The following BCL11B variants were observed in gnomAD, a reference collection of about 807,000 sequenced individuals.
BCL11B encodes BCL11 transcription factor B.
A neutral mutation model predicts 49.9 loss-of-function variants in BCL11B; 8 were observed. That is an observed-to-expected ratio of 0.16 (90% CI 0.09 to 0.29). The LOEUF is 0.29. Ranked by LOEUF, BCL11B falls within the 10% of genes least tolerant of loss-of-function variation. The pLI, the probability that BCL11B is intolerant of heterozygous loss-of-function variation, is 1.00. For synonymous variants in BCL11B, 739 were observed against 637.4 expected, an observed-to-expected ratio of 1.16 and a Z score of -2.40; for missense variants, 1,006 against 1,351.0, an observed-to-expected ratio of 0.74 and a Z score of 4.00.
chr14:99,252,935 G>C (rs774376229), intron 2 of BCL11B, among the ~76,000 whole-genome samples: 13 of 152,278 alleles, frequency 8.5e-5, no homozygotes, highest in African/African-American at 1.4e-4. Context: ...TCCCAGGTAA[G>C]TGATCATGGT....
intron 3 of BCL11B, among the ~76,000 whole-genome samples, chr14:99,204,241 G>A (rs1887469681): frequency 1.3e-5 from 2 of 152,162 alleles, no homozygotes; most frequent in African/African-American, 2.4e-5. Flanking sequence ...CAAGCTGCCT[G>A]GTGGGCCTCT....
intron 2 of BCL11B, among the ~76,000 whole-genome samples, chr14:99,237,415 C>G (rs1417971698): frequency 6.6e-6 from 1 of 152,058 alleles, no homozygotes; most frequent in East Asian, 1.9e-4. Flanking sequence ...TAGGGTGGGT[C>G]CCCAAGGCAG....
At chr14:99,176,991 C>T (rs1886554732) in intron 3 of BCL11B, among the ~76,000 whole-genome samples, 1 of 152,084 alleles carries the variant, frequency 6.6e-6, no homozygotes, top group Middle Eastern at 3.4e-3. Context: ...AGGAAATTCT[C>T]GTGTTTCCTA....
At position 99,173,801 on chromosome 14, in the gene BCL11B, G is replaced by A. The variant is rs1444702115; in HGVS notation, c.*350C>T. 8 of 321,816 alleles carry A rather than the reference G, an allele frequency of 2.5e-5. No homozygotes were observed. Among genetic ancestry groups the A allele is most frequent in the East Asian group, 5.2e-5 (1 of 19,172 alleles). The allele number at this position is 321,816 out of a possible 1,614,324, so 19.9% of individuals were successfully genotyped here. On this transcript the variant is annotated 3_prime_UTR_variant, in exon 4 of 4. Transcript: ENST00000357195. ...GCGAGTCATTGCTCAGGCTACTACC[G>A]GGTTAAAAAAAAAACAAAGAAGGGA...
In BCL11B at chr14:99,213,437, C is replaced by T. The variant is rs141751109; in HGVS notation, c.640+17908G>A. Among the ~76,000 whole-genome samples the T allele has an allele frequency of 5.9e-5, 9 of 152,278 alleles. No homozygotes were observed. Among genetic ancestry groups the T allele is most frequent in the Admixed American group, 3.9e-4 (6 of 15,308 alleles). ...GTTTCCCCTCCAAAAATTCGAGGAA[C>T]ACCAAAATGACTCTCATCTGGACTG... On this transcript the variant is annotated intron_variant, in intron 3 of 3. Transcript: ENST00000357195. This position sits in a 1 kb window ranked among gnomAD's most constrained non-coding sequence, Gnocchi z 5.1.
chr14:99,175,065 T>C lies in BCL11B; in HGVS notation c.1771A>G (p.Lys591Glu), dbSNP rs1306716670. The C allele has an allele frequency of 1.3e-6, 2 of 1,598,956 alleles. No individual in the cohort carries two copies. The highest frequency in any genetic ancestry group is 1.7e-6 in the Non-Finnish European group (2 of 1,177,110). Residue 591 changes from lysine (K) to glutamate (E), a missense_variant, in exon 4 of 4, where the codon AAG (lysine) becomes GAG (glutamate). By Grantham distance (56) the Lys-to-Glu change is moderately conservative. Transcript: ENST00000357195. Reference protein sequence around the residue: ...GGAAKALADEKALVLGKVMEN... With the variant: ...GGAAKALADEEALVLGKVMEN... ...ATGACCTTGCCCAGCACCAGCGCCTTCTCGTCAGCCAGCGCCTTGGCCGCG... is the reference window on the plus strand; with the variant it reads ...ATGACCTTGCCCAGCACCAGCGCCTCCTCGTCAGCCAGCGCCTTGGCCGCG...
chr14:99,217,359 C>T (rs1025889207), intron 3 of BCL11B, among the ~76,000 whole-genome samples: 8 of 150,462 alleles, frequency 5.3e-5, no homozygotes, highest in African/African-American at 1.2e-4. Flanking sequence ...TACACTCTCA[C>T]GAGTACAAAT....
At chr14:99,176,611 C>T (rs1266815295) in intron 3 of BCL11B, among the ~76,000 whole-genome samples, 1 of 152,236 alleles carries the variant, frequency 6.6e-6, no homozygotes, top group Admixed American at 6.5e-5. Context: ...TGCTCCACAC[C>T]CGAAACCATC....
rs1457682827 is a variant in BCL11B, at chr14:99,213,782, C to A, written c.640+17563G>T. 6.6e-6 allele frequency among the ~76,000 whole-genome samples: 1 copy of A among 152,196 alleles called. No homozygotes were observed. The highest frequency in any genetic ancestry group is 1.5e-5 in the Non-Finnish European group (1 of 68,040). The stretch of plus-strand genomic sequence containing the variant: ...CCTCTCTGGGGCACTGCTTGGAGAG[C>A]ATCTGGCAACAAGGCACAGGGGCCC... On this transcript the variant is annotated intron_variant, in intron 3 of 3. Coordinates refer to ENST00000357195, the MANE Select transcript of BCL11B (RefSeq NM_138576.4). The surrounding 1 kb of genome is among the most constrained non-coding windows in gnomAD (Gnocchi z 5.1).
At chr14:99,238,688 C>G (rs764617621) in intron 2 of BCL11B, among the ~76,000 whole-genome samples, 1 of 152,188 alleles carries the variant, frequency 6.6e-6, no homozygotes, top group Non-Finnish European at 1.5e-5. Flanking sequence ...TTGCTTGTCT[C>G]TCGGGGAAAA....
intron 3 of BCL11B, among the ~76,000 whole-genome samples, chr14:99,217,540 C>T (rs1276736598): frequency 6.6e-6 from 1 of 152,186 alleles, no homozygotes; most frequent in African/African-American, 2.4e-5. Context: ...AATGTTTTCC[C>T]TCAAGTCTTG....
chr14:99,210,633 C>A (rs1018421113), intron 3 of BCL11B, among the ~76,000 whole-genome samples: 4 of 152,210 alleles, frequency 2.6e-5, no homozygotes, highest in Admixed American at 6.5e-5. Context: ...TTTGGGTCCA[C>A]GCCAAGGCTT....
At chr14:99,270,004 G>A (rs1349645783) in intron 1 of BCL11B, among the ~76,000 whole-genome samples, 3 of 151,652 alleles carry the variant, frequency 2.0e-5, no homozygotes, top group Admixed American at 6.6e-5. Context: ...CGGGCGGGGA[G>A]CGCCGCAAAG....
chr14:99,223,347 CTCT>C (rs200482797), intron 3 of BCL11B, among the ~76,000 whole-genome samples: 2,315 of 152,260 alleles, frequency 0.015, 29 homozygotes, highest in Non-Finnish European at 0.021. Context: ...GCAAAGAGAC[CTCT>C]TCTGTTCCCT....
intron 3 of BCL11B, among the ~76,000 whole-genome samples, chr14:99,221,380 C>A (rs1214983362): frequency 6.6e-6 from 1 of 152,242 alleles, no homozygotes; most frequent in African/African-American, 2.4e-5. Context: ...GCCCCCGTTT[C>A]TGCAGGTACT....
intron 3 of BCL11B, among the ~76,000 whole-genome samples, chr14:99,220,346 C>T (rs1255891511): frequency 6.6e-6 from 1 of 152,194 alleles, no homozygotes; most frequent in Non-Finnish European, 1.5e-5. Flanking sequence ...AACTGTCCAT[C>T]AATGGATGGG....
Position 99,172,947 on chromosome 14 carries a change from C to T in BCL11B, c.*1204G>A, listed in dbSNP as rs1325884897. 1 of 213,164 alleles carries T rather than the reference C, an allele frequency of 4.7e-6. No individual in the cohort carries two copies. The highest frequency in any genetic ancestry group is 9.5e-6 in the Non-Finnish European group (1 of 105,322). The allele number at this position is 213,164 out of a possible 1,614,324, so 13.2% of individuals were successfully genotyped here. ...AGAATAGAAATTTGCAAGATCCCCA[C>T]CCCACCCATCCCTACAATATCATCA... is the stretch of plus-strand genomic sequence containing the variant. On this transcript the variant is annotated 3_prime_UTR_variant, in exon 4 of 4. Coordinates refer to ENST00000357195, the MANE Select transcript of BCL11B (RefSeq NM_138576.4).
At position 99,255,963 on chromosome 14, in the gene BCL11B, C is replaced by T. The variant is rs116042156; in HGVS notation, c.427+1508G>A. On this transcript the variant is annotated intron_variant, in intron 2 of 3. Coordinates refer to ENST00000357195, the MANE Select transcript of BCL11B (RefSeq NM_138576.4). ...CCAATCTGGTTCACTGATGTCTCCC[C>T]AGTGCCTGGCATGAGGCTGCAGGAC... 5.3e-3 allele frequency among the ~76,000 whole-genome samples: 814 copies of T among 152,362 alleles called. 4 individuals carry two copies. The highest frequency in any genetic ancestry group is 0.019 in the African/African-American group (773 of 41,580).
chr14:99,180,906 G>A (rs1027589746), intron 3 of BCL11B, among the ~76,000 whole-genome samples: 1 of 152,130 alleles, frequency 6.6e-6, no homozygotes, highest in Admixed American at 6.5e-5. Flanking sequence ...GGGAACCGAC[G>A]TGCAGCTGGA....
Sources: allele counts gnomAD v4.1 joint callset (sites outside exome capture counted in the v4.1 genomes callset), GRCh38; gene constraint gnomAD v4.1.1; non-coding constraint Gnocchi (gnomAD v3.1); transcripts MANE v1.5; gene names NCBI Gene and HGNC (gene_info 2026-07-23, HGNC 2026-07-21).